Variants in UVRAG observed in about 807,000 individuals in gnomAD.
UVRAG encodes UV radiation resistance associated.
UVRAG carries 19 observed loss-of-function variants against 78.0 expected under a neutral mutation model. The observed-to-expected ratio is 0.24, with a 90% CI of 0.17 to 0.36. The LOEUF (loss-of-function observed/expected upper bound fraction) is 0.36. UVRAG is among the 10% of genes least tolerant of loss of function. UVRAG has a pLI of 1.00. For missense variants in UVRAG, 740 were observed against 853.8 expected, an observed-to-expected ratio of 0.87 and a Z score of 1.66; for synonymous variants, 323 against 324.6, an observed-to-expected ratio of 1.00 and a Z score of 0.05.
intron 4 of UVRAG, among the ~76,000 whole-genome samples, chr11:75,881,906 A>G (rs1590970806): frequency 6.6e-6 from 1 of 152,224 alleles, no homozygotes; most frequent in East Asian, 1.9e-4. Flanking sequence ...ACTTTAGGAA[A>G]TGATTCAAGA....
intron 1 of UVRAG, among the ~76,000 whole-genome samples, chr11:75,835,560 GATCA>G (rs1308840538): frequency 6.6e-6 from 1 of 152,008 alleles, no homozygotes; most frequent in Non-Finnish European, 1.5e-5. Flanking sequence ...TTACTGCAAT[GATCA>G]AATGAAATAA....
chr11:75,877,554 G>A (rs1405519465), intron 3 of UVRAG, among the ~76,000 whole-genome samples: 3 of 145,076 alleles, frequency 2.1e-5, no homozygotes, highest in African/African-American at 7.8e-5. Context: ...TGGCCGGGCG[G>A]GGGGCTGACC....
At chr11:76,116,920 T>C (rs892274888) in intron 14 of UVRAG, among the ~76,000 whole-genome samples, 5 of 152,222 alleles carry the variant, frequency 3.3e-5, no homozygotes, top group African/African-American at 1.2e-4. Flanking sequence ...GTTCCAGATG[T>C]CTGGTCTTAG....
chr11:76,026,586 A>G (rs1483360321), intron 12 of UVRAG, among the ~76,000 whole-genome samples: 1 of 152,132 alleles, frequency 6.6e-6, no homozygotes, highest in Non-Finnish European at 1.5e-5. Context: ...ATAAATTAGA[A>G]CATTTCTTAT....
At chr11:75,933,866 A>G (rs1307506956) in intron 6 of UVRAG, among the ~76,000 whole-genome samples, 6 of 152,190 alleles carry the variant, frequency 3.9e-5, no homozygotes, top group Non-Finnish European at 8.8e-5. Context: ...ACTGGTGAGG[A>G]GGTGGAGAAA....
chr11:76,129,697 A>T (rs143621642), intron 14 of UVRAG, among the ~76,000 whole-genome samples: 1 of 151,926 alleles, frequency 6.6e-6, no homozygotes, highest in Non-Finnish European at 1.5e-5. Context: ...ATTCCTGCCA[A>T]TTTCTCCTGC....
intron 7 of UVRAG, among the ~76,000 whole-genome samples, chr11:75,979,158 C>T (rs1229500166): frequency 1.3e-5 from 2 of 152,248 alleles, no homozygotes; most frequent in Non-Finnish European, 2.9e-5. Flanking sequence ...CCCCGTTTGC[C>T]TGGGTATCAC....
At chr11:75,819,103 T>C (rs539549956) in intron 1 of UVRAG, among the ~76,000 whole-genome samples, 1 of 152,342 alleles carries the variant, frequency 6.6e-6, no homozygotes, top group Non-Finnish European at 1.5e-5. Context: ...CTTGTTATTA[T>C]TGACTCATTT....
At chr11:76,043,377 A>G (rs190493160) in intron 12 of UVRAG, among the ~76,000 whole-genome samples, 3 of 152,326 alleles carry the variant, frequency 2.0e-5, no homozygotes, top group Non-Finnish European at 1.5e-5. Flanking sequence ...GTTTATATTC[A>G]TTTAATAAAT....
chr11:75,967,860 A>C (rs532423448), intron 7 of UVRAG, among the ~76,000 whole-genome samples: 55 of 152,342 alleles, frequency 3.6e-4, no homozygotes, highest in African/African-American at 1.2e-3. Context: ...GAAAAGAGGC[A>C]TACAGCTTAG....
chr11:75,870,259 C>T (rs1299801723), intron 3 of UVRAG, among the ~76,000 whole-genome samples: 1 of 152,186 alleles, frequency 6.6e-6, no homozygotes, highest in Non-Finnish European at 1.5e-5. Context: ...GACAATAGCT[C>T]TACTGTATCA....
At chr11:76,136,029 G>A (rs189271157) in intron 14 of UVRAG, among the ~76,000 whole-genome samples, 200 of 152,276 alleles carry the variant, frequency 1.3e-3, no homozygotes, top group African/African-American at 4.7e-3. Context: ...GTAAATCTAT[G>A]AGTTTCAACC....
chr11:75,920,468 TACAC>T (rs201945341), intron 6 of UVRAG, among the ~76,000 whole-genome samples: 1 of 151,830 alleles, frequency 6.6e-6, no homozygotes, highest in African/African-American at 2.4e-5. Flanking sequence ...GACACACATA[TACAC>T]ACACACACAG....
intron 7 of UVRAG, among the ~76,000 whole-genome samples, chr11:75,978,804 G>A (rs1427647467): frequency 1.3e-5 from 2 of 152,228 alleles, no homozygotes; most frequent in African/African-American, 4.8e-5. Context: ...TCTTTGAGAT[G>A]GGTTCGAACA....
At chr11:75,974,917 G>T (rs996354217) in intron 7 of UVRAG, among the ~76,000 whole-genome samples, 1 of 152,070 alleles carries the variant, frequency 6.6e-6, no homozygotes, top group Non-Finnish European at 1.5e-5. Context: ...TTTTGTTGCT[G>T]TTGCTTTTGG....
intron 11 of UVRAG, among the ~76,000 whole-genome samples, chr11:76,010,043 G>A (rs1950022212): frequency 6.6e-6 from 1 of 152,156 alleles, no homozygotes; most frequent in African/African-American, 2.4e-5. Flanking sequence ...AATATAGCTA[G>A]GATTTGTCTG....
chr11:75,912,448 A>G (rs1433285702), intron 6 of UVRAG, among the ~76,000 whole-genome samples: 1 of 152,242 alleles, frequency 6.6e-6, no homozygotes. Flanking sequence ...GTCTTAAAAG[A>G]ATTATGTTTG....
chr11:75,833,983 T>G (rs1945720476), intron 1 of UVRAG, among the ~76,000 whole-genome samples: 1 of 152,216 alleles, frequency 6.6e-6, no homozygotes. Flanking sequence ...GAGATTTTGT[T>G]TATGGCCAGT....
At chr11:76,034,405 C>T (rs1046139674) in intron 12 of UVRAG, among the ~76,000 whole-genome samples, 24 of 152,042 alleles carry the variant, frequency 1.6e-4, no homozygotes, top group Admixed American at 2.6e-4. Context: ...CCCTGTGTTG[C>T]CCGGGCTGGT....
Sources: allele counts gnomAD v4.1 joint callset (sites outside exome capture counted in the v4.1 genomes callset), GRCh38; gene constraint gnomAD v4.1.1; transcripts MANE v1.5; gene names NCBI Gene and HGNC (gene_info 2026-07-23, HGNC 2026-07-21).